Variants in SPG7 observed in about 807,000 individuals in gnomAD.
The protein encoded by SPG7 is mitochondrial inner membrane m-AAA protease component paraplegin.
In SPG7, 103 loss-of-function variants were observed where a neutral mutation model predicts 81.9. The observed-to-expected ratio is 1.26, with a 90% confidence interval of 1.07 to 1.48. SPG7 has a LOEUF of 1.48. Ranked by LOEUF, SPG7 falls within the 40% of genes most tolerant of loss-of-function variation. The pLI, the probability that SPG7 is intolerant of heterozygous loss-of-function variation, is 0.00. For missense variants in SPG7, 1,241 were observed against 1,087.3 expected (o/e 1.14, Z -1.99); for synonymous variants, 534 against 444.2 (o/e 1.20, Z -2.54).
At position 89,545,518 on chromosome 16, in the gene SPG7, T is replaced by A. The variant is rs756525115; in HGVS notation, c.1449+746T>A. On this transcript the variant is annotated intron_variant, in intron 10 of 16. Transcript: ENST00000645818. ...AAGCCCTTCCCGCTGGGACACGGCTTCTCCAGGGGACACTGCTTCTCCAGG... is the reference window on the plus strand; with the variant it reads ...AAGCCCTTCCCGCTGGGACACGGCTACTCCAGGGGACACTGCTTCTCCAGG... 8.6e-4 allele frequency: 162 copies of A among 187,744 alleles called. 1 individual carries two copies. Among genetic ancestry groups the A allele is most frequent in the Non-Finnish European group, 8.1e-4 (73 of 89,864 alleles). 11.6% of individuals were successfully genotyped at this position (187,744 alleles called of 1,614,324 possible).
chr16:89,532,579 G>A lies in SPG7; in HGVS notation c.1267G>A (p.Gly423Ser), dbSNP rs201543030. Residue 423 changes from glycine to serine, a missense_variant, in exon 9 of 17, where the codon GGC (glycine) becomes AGC (serine). Transcript: ENST00000645818. Reference protein sequence around the residue: ...VGKKRSTTMSGFSNTEEEQTL... With the variant: ...VGKKRSTTMSSFSNTEEEQTL... ...CAAGAAGCGCTCCACCACCATGTCC[G>A]GCTTCTCCAACACGGAGGAGGAGCA... is the stretch of plus-strand genomic sequence containing the variant. The A allele has an allele frequency of 8.6e-5, 138 of 1,613,766 alleles. 4 individuals are homozygous for A. In the African/African-American group the frequency reaches 1.3e-3, roughly 15 times the overall value.
In SPG7 at chr16:89,551,334, C is replaced by T. The variant is rs140813044; in HGVS notation, c.1779+725C>T. 7 of 157,774 alleles carry T rather than the reference C, an allele frequency of 4.4e-5. No homozygotes were observed. In the East Asian group the frequency reaches 1.3e-3, roughly 29 times the overall value. The allele number at this position is 157,774 out of a possible 1,614,324, so 9.8% of individuals were successfully genotyped here. A position where few individuals can be genotyped will look rare whatever the true frequency, so the allele number is the denominator to read the frequency against. On this transcript the variant is annotated intron_variant, in intron 13 of 16. Transcript: ENST00000645818. ...ACTGCAAACAATGCATACGCTGTAG[C>T]AGTTGCCAGCTTGGTTTGTCAGTGC...
intron 12 of SPG7, chr16:89,548,594 G>A: frequency 6.7e-6 from 2 of 299,564 alleles, no homozygotes; most frequent in Non-Finnish European, 1.3e-5. Flanking sequence ...CACCTCTGGT[G>A]AAACTCATGG....
At chr16:89,512,102 G>A (rs530854726) in intron 2 of SPG7, among the ~76,000 whole-genome samples, 45 of 151,892 alleles carry the variant, frequency 3.0e-4, no homozygotes, top group African/African-American at 1.1e-3. Context: ...TAGTAGAGAC[G>A]GGGTTTCACC....
At chr16:89,526,507 A>G (rs751135177) in intron 5 of SPG7, 39 bp downstream of exon 5, 19 of 1,613,070 alleles carry the variant, frequency 1.2e-5, no homozygotes, top group Non-Finnish European at 1.4e-5. Flanking sequence ...AACTAAACCT[A>G]ACTTGGCTTT....
intron 10 of SPG7, chr16:89,545,416 T>C (rs2058550050): frequency 5.1e-6 from 1 of 196,910 alleles, no homozygotes; most frequent in Non-Finnish European, 1.1e-5. Flanking sequence ...CAGTGCAGCC[T>C]GGGGAGCAGG....
intron 9 of SPG7, 22 bp downstream of exon 9, chr16:89,532,658 A>AC (rs1391929541): frequency 3.1e-6 from 5 of 1,612,384 alleles, no homozygotes; most frequent in Non-Finnish European, 4.2e-6. Context: ...TGCGCCCCGC[A>AC]CCCCCATTGC....
At chr16:89,528,209 C>T (rs1190698871) in intron 5 of SPG7, among the ~76,000 whole-genome samples, 5 of 151,330 alleles carry the variant, frequency 3.3e-5, no homozygotes, top group South Asian at 2.1e-4. Context: ...GCTAACACGA[C>T]GAAACCCCGT....
At chr16:89,508,816 C>T (rs1447260924) in intron 1 of SPG7, 7 of 692,092 alleles carry the variant, frequency 1.0e-5, no homozygotes, top group Non-Finnish European at 1.6e-5. Flanking sequence ...GGGCTGGGAT[C>T]CGCGCAGTCC....
intron 9 of SPG7, chr16:89,543,148 T>C (rs141113296): frequency 0.019 from 2,887 of 151,286 alleles, 53 homozygotes; most frequent in African/African-American, 0.053. Flanking sequence ...GGGGTTTCAC[T>C]GTGTTAGCCA....
In SPG7 at chr16:89,553,820, AC is replaced by A; in HGVS notation, c.1966del (p.Arg656AlafsTer7). 6.2e-7 allele frequency: 1 copy of A among 1,613,532 alleles called. No individual in the cohort carries two copies. The highest frequency in any genetic ancestry group is 8.5e-7 in the Non-Finnish European group (1 of 1,180,022). On this transcript the variant is annotated frameshift_variant, in exon 15 of 17. Coordinates refer to ENST00000645818, the MANE Select transcript of SPG7 (RefSeq NM_003119.4). LOFTEE classifies it high-confidence loss of function. Reference protein sequence around the residue: ...SGAQDDLRKVTRIAYSMVKQF... With the variant: ...SGAQDDLRKVXRIAYSMVKQF... ...GGCACAGGACGACCTGAGGAAGGTC[AC>A]CCGCATCGCCTACTCCATGGTGAAG... is the stretch of plus-strand genomic sequence containing the variant.
chr16:89,530,729 G>A lies in SPG7; in HGVS notation c.908G>A (p.Gly303Glu), dbSNP rs1360651357. The change falls in exon 7 of 17, where the codon GGG (glycine) becomes GAG (glutamate). Residue 303 changes from glycine to glutamate, a missense_variant. By Grantham distance (98) the Gly-to-Glu change is moderately conservative. Coordinates refer to ENST00000645818, the MANE Select transcript of SPG7 (RefSeq NM_003119.4). ...ARFTIVDGKM[G>E]KGVSFKDVAG... ...TTCACCATTGTGGATGGGAAGATGG[G>A]GAAAGGAGTCAGCTTCAAAGACGTG... 1.9e-6 allele frequency: 3 copies of A among 1,614,180 alleles called. No individual in the cohort carries two copies. The highest frequency in any genetic ancestry group is 2.5e-6 in the Non-Finnish European group (3 of 1,180,016).
rs1182851519 is a variant in SPG7 at position 89,520,827 on chromosome 16, G to C, written c.377-3179G>C. 3 of 152,232 alleles carry C rather than the reference G, an allele frequency of 2.0e-5. No individual in the cohort carries two copies. In the East Asian group the frequency reaches 5.8e-4, roughly 29 times the overall value. 9.4% of individuals were successfully genotyped at this position (152,232 alleles called of 1,614,324 possible). On this transcript the variant is annotated intron_variant, in intron 3 of 16. Coordinates refer to ENST00000645818, the MANE Select transcript of SPG7 (RefSeq NM_003119.4). ...CCCAAAGTGCTGGGATGACAGGTGT[G>C]AGCCATTGCGTCCGGCTGGAATTTC...
intron 2 of SPG7, among the ~76,000 whole-genome samples, chr16:89,511,929 T>C (rs2058029040): frequency 6.6e-6 from 1 of 152,104 alleles, no homozygotes; most frequent in South Asian, 2.1e-4. Flanking sequence ...ATTATTTTTT[T>C]GAGACGGAGT....
intron 1 of SPG7, 83 bp from the exon 2 acceptor site, chr16:89,510,407 T>C (rs548044912): frequency 1.8e-5 from 15 of 847,478 alleles, no homozygotes; most frequent in South Asian, 1.0e-4. Flanking sequence ...ATTTGAACTT[T>C]TAAAAACGAT....
chr16:89,548,123 G>T lies in SPG7; in HGVS notation c.1663+10G>T. On this transcript the variant is annotated intron_variant, in intron 12 of 16. Transcript: ENST00000645818. ...GAGCGCGTCCTCGCAGGTACAGGGG[G>T]CGCGCCCTGGGTGAAGGCCCTCCTT... 1 of 1,586,782 alleles carries T rather than the reference G, an allele frequency of 6.3e-7. No individual in the cohort carries two copies. Among genetic ancestry groups the T allele is most frequent in the Non-Finnish European group, 8.6e-7 (1 of 1,165,214 alleles).
Position 89,508,514 on chromosome 16 carries a change from T to C in SPG7, c.97T>C (p.Phe33Leu). The change falls in exon 1 of 17, where the codon TTC becomes CTC. Residue 33 changes from phenylalanine (F) to leucine (L), a missense_variant. Coordinates refer to ENST00000645818, the MANE Select transcript of SPG7 (RefSeq NM_003119.4). ...WGPGPAWSPGFPARPGRGRPY... is the reference protein window; with the variant it reads ...WGPGPAWSPGLPARPGRGRPY... ...CCCAGGCCCGGCCTGGAGTCCAGGG[T>C]TCCCCGCCAGGCCCGGGAGGGGGCG... The C allele has an allele frequency of 6.6e-7, 1 of 1,514,900 alleles. No individual in the cohort carries two copies. The highest frequency in any genetic ancestry group is 2.6e-5 in the East Asian group (1 of 38,090). 93.8% of individuals were successfully genotyped at this position (1,514,900 alleles called of 1,614,324 possible).
chr16:89,519,283 C>G (rs2152397398), intron 3 of SPG7: 1 of 151,632 alleles, frequency 6.6e-6, no homozygotes, highest in South Asian at 2.1e-4. Context: ...TGCGCCCAGC[C>G]TGCTCTGTGC....
chr16:89,524,595 C>T (rs1302317575), intron 4 of SPG7, among the ~76,000 whole-genome samples: 1 of 152,146 alleles, frequency 6.6e-6, no homozygotes, highest in Non-Finnish European at 1.5e-5. Context: ...AGGCGTGCAC[C>T]ACAACGCCTG....
Sources: allele counts gnomAD v4.1 joint callset (sites outside exome capture counted in the v4.1 genomes callset), GRCh38; gene constraint gnomAD v4.1.1; transcripts MANE v1.5; gene names NCBI Gene and HGNC (gene_info 2026-07-23, HGNC 2026-07-21).